RCAN2: variants seen among roughly 807,000 people sequenced by gnomAD.
RCAN2 encodes the protein regulator of calcineurin 2.
Under a neutral mutation model 23.6 loss-of-function variants are expected in RCAN2, and 9 were observed. The observed-to-expected ratio is 0.38, with a 90% CI of 0.23 to 0.67. The LOEUF is 0.67. RCAN2 is among the 30% of genes least tolerant of loss of function. The pLI, the probability that RCAN2 is intolerant of heterozygous loss-of-function variation, is 0.51. For missense variants in RCAN2, 273 were observed against 302.3 expected (o/e 0.90, Z 0.72); for synonymous variants, 109 against 115.7 (o/e 0.94, Z 0.37).
chr6:46,491,138 T>C (rs1769132422), intron 1 of RCAN2, 35 bp downstream of exon 1: 1 of 150,912 alleles, frequency 6.6e-6, no homozygotes, highest in Admixed American at 6.6e-5. Flanking sequence ...ACGGGGTGCC[T>C]GGGCGAGCCT....
At chr6:46,452,058 G>C (rs561432022) in intron 2 of RCAN2, among the ~76,000 whole-genome samples, 1 of 152,050 alleles carries the variant, frequency 6.6e-6, no homozygotes, top group South Asian at 2.1e-4. Context: ...GACCACTCTT[G>C]GTACATTATA....
At chr6:46,396,430 G>C (rs1007052630) in intron 2 of RCAN2, among the ~76,000 whole-genome samples, 3 of 152,206 alleles carry the variant, frequency 2.0e-5, no homozygotes, top group Non-Finnish European at 2.9e-5. Flanking sequence ...AACCATTAAA[G>C]AGGGCTGATA....
chr6:46,396,952 A>C (rs1248250907), intron 2 of RCAN2, among the ~76,000 whole-genome samples: 1 of 152,144 alleles, frequency 6.6e-6, no homozygotes, highest in South Asian at 2.1e-4. Context: ...CTCTACTAAA[A>C]ATACAAAAAT....
chr6:46,321,450 A>C (rs1403642156), intron 2 of RCAN2, among the ~76,000 whole-genome samples: 3 of 152,240 alleles, frequency 2.0e-5, no homozygotes, highest in Admixed American at 2.0e-4. Flanking sequence ...GGGTCTTTGA[A>C]GCTTCTGTAT....
chr6:46,408,045 T>C (rs1458666853), intron 2 of RCAN2, among the ~76,000 whole-genome samples: 1 of 152,196 alleles, frequency 6.6e-6, no homozygotes, highest in Non-Finnish European at 1.5e-5. Flanking sequence ...TCCATGATTA[T>C]TCCCTCAGGA....
chr6:46,475,730 A>G (rs1325836324), intron 1 of RCAN2, among the ~76,000 whole-genome samples: 1 of 152,144 alleles, frequency 6.6e-6, no homozygotes, highest in Admixed American at 6.5e-5. Context: ...CAGAATGGCT[A>G]CTCGACTCTA....
At chr6:46,370,211 G>A (rs1308375706) in intron 2 of RCAN2, among the ~76,000 whole-genome samples, 4 of 152,120 alleles carry the variant, frequency 2.6e-5, no homozygotes, top group Admixed American at 6.5e-5. Context: ...ACTTGGTCCT[G>A]AATACACATC....
chr6:46,416,902 G>A (rs1250724583), intron 2 of RCAN2, among the ~76,000 whole-genome samples: 1 of 152,094 alleles, frequency 6.6e-6, no homozygotes, highest in African/African-American at 2.4e-5. Flanking sequence ...TTATAGAACT[G>A]AGATTATAAA....
chr6:46,476,537 T>C (rs1361368190), intron 1 of RCAN2, among the ~76,000 whole-genome samples: 1 of 152,176 alleles, frequency 6.6e-6, no homozygotes, highest in Admixed American at 6.5e-5. Context: ...GATAGAATCC[T>C]GAAGGTGGAA....
At chr6:46,487,764 G>A (rs1769035483) in intron 1 of RCAN2, among the ~76,000 whole-genome samples, 1 of 152,174 alleles carries the variant, frequency 6.6e-6, no homozygotes, top group Admixed American at 6.5e-5. Context: ...CATTAGCTCT[G>A]TAAAATGGAT....
intron 2 of RCAN2, among the ~76,000 whole-genome samples, chr6:46,369,839 T>C (rs904892583): frequency 8.5e-5 from 13 of 152,286 alleles, no homozygotes; most frequent in African/African-American, 3.1e-4. Flanking sequence ...CAAGAGCAGC[T>C]AATCACTTTT....
chr6:46,416,797 C>G (rs1004453739), intron 2 of RCAN2, among the ~76,000 whole-genome samples: 2 of 152,166 alleles, frequency 1.3e-5, no homozygotes, highest in African/African-American at 4.8e-5. Context: ...GCTGGGATTA[C>G]AGGCATGAGC....
In RCAN2 at chr6:46,414,255, T is replaced by C. The variant is rs1766636867; in HGVS notation, c.225+42497A>G. 3.9e-5 allele frequency among the ~76,000 whole-genome samples: 6 copies of C among 152,186 alleles called. No homozygotes were observed. The South Asian group carries it at 1.2e-3, about 31-fold the overall frequency. On this transcript the variant is annotated intron_variant, in intron 2 of 4. Transcript: ENST00000371374. ...TTATACAAATATAAATGAGGAACAA[T>C]AGCTGCCATTAGTGTAAATGGGAGA... is the stretch of plus-strand genomic sequence containing the variant.
chr6:46,277,748 AG>A (rs1251958711), intron 2 of RCAN2, among the ~76,000 whole-genome samples: 5 of 151,904 alleles, frequency 3.3e-5, no homozygotes, highest in African/African-American at 1.2e-4. Context: ...TGGGGAAGGG[AG>A]TGCTTTAAAG....
At chr6:46,263,321 C>T in intron 2 of RCAN2, among the ~76,000 whole-genome samples, 1 of 152,136 alleles carries the variant, frequency 6.6e-6, no homozygotes, top group East Asian at 1.9e-4. Flanking sequence ...AAAAATTATA[C>T]AAATTTCTTC....
chr6:46,384,110 C>A (rs1167982738), intron 2 of RCAN2, among the ~76,000 whole-genome samples: 1 of 152,162 alleles, frequency 6.6e-6, no homozygotes, highest in African/African-American at 2.4e-5. Flanking sequence ...GTTCCAGGGC[C>A]CATTGGTGGA....
chr6:46,394,764 C>G (rs1037414422), intron 2 of RCAN2, among the ~76,000 whole-genome samples: 8 of 152,282 alleles, frequency 5.3e-5, no homozygotes, highest in African/African-American at 1.9e-4. Context: ...ATCCCTCTCT[C>G]ACTGCTGTAT....
Position 46,223,140 on chromosome 6 carries a change from C to T in RCAN2, c.*1G>A. On this transcript the variant is annotated 3_prime_UTR_variant, in exon 5 of 5. Transcript: ENST00000371374. ...GCTATTATCGAGAAGGAGCAGGCAGCTCAGTTGGACACGGAGGGTGGCAGG... is the reference window on the plus strand; with the variant it reads ...GCTATTATCGAGAAGGAGCAGGCAGTTCAGTTGGACACGGAGGGTGGCAGG... The T allele has an allele frequency of 6.2e-7, 1 of 1,612,940 alleles. No homozygotes were observed. Among genetic ancestry groups the T allele is most frequent in the Non-Finnish European group, 8.5e-7 (1 of 1,179,880 alleles).
chr6:46,370,836 G>A (rs2150388846), intron 2 of RCAN2, among the ~76,000 whole-genome samples: 1 of 152,344 alleles, frequency 6.6e-6, no homozygotes, highest in South Asian at 2.1e-4. Context: ...ACTGCATAGT[G>A]TATACTCCTC....
Sources: allele counts gnomAD v4.1 joint callset (sites outside exome capture counted in the v4.1 genomes callset), GRCh38; gene constraint gnomAD v4.1.1; transcripts MANE v1.5; gene names NCBI Gene and HGNC (gene_info 2026-07-23, HGNC 2026-07-21).